BOD1L1: variants seen among roughly 807,000 people sequenced by gnomAD.
The protein encoded by BOD1L1 is biorientation of chromosomes in cell division protein 1-like 1.
Under a neutral mutation model 240.7 loss-of-function variants are expected in BOD1L1, and 86 were observed. The ratio of observed to expected loss-of-function variants is 0.36; its 90% CI spans 0.30 to 0.43. The LOEUF (loss-of-function observed/expected upper bound fraction) is 0.43. BOD1L1 is among the 20% of genes least tolerant of loss of function. BOD1L1 has a pLI of 1.00. For missense variants in BOD1L1, 3,554 were observed against 3,643.5 expected (o/e 0.98, Z 0.63); for synonymous variants, 1,268 against 1,272.3 (o/e 1.00, Z 0.07).
rs1042752678 is a variant in BOD1L1 at position 13,578,455 on chromosome 4, T to TGGGTG, written c.8750-825_8750-824insCACCC. ...TGAATTTTGATTAGGAATGCTCAAC[T>TGGGTG]GGGAAATGCAAATATTCCAAAATCT... On this transcript the variant is annotated intron_variant, in intron 22 of 25. Transcript: ENST00000040738. 5.1e-4 allele frequency among the ~76,000 whole-genome samples: 77 copies of TGGGTG among 152,338 alleles called. No individual in the cohort carries two copies. In the Middle Eastern group the frequency reaches 0.01, roughly 20 times the overall value.
At chr4:13,590,330 C>T in intron 14 of BOD1L1, 56 bp downstream of exon 14, 1 of 950,954 alleles carries the variant, frequency 1.1e-6, no homozygotes, top group Non-Finnish European at 1.6e-6. Flanking sequence ...ACAGACCACA[C>T]TCAATAAATG....
chr4:13,592,221 A>G, intron 12 of BOD1L1: 2 of 426,006 alleles, frequency 4.7e-6, no homozygotes, highest in South Asian at 3.8e-5. Flanking sequence ...GTGGTATATT[A>G]CATCACTATG....
chr4:13,571,166 T>G (rs1305750127), intron 25 of BOD1L1, among the ~76,000 whole-genome samples: 1 of 152,172 alleles, frequency 6.6e-6, no homozygotes, highest in Non-Finnish European at 1.5e-5. Flanking sequence ...ATCTCCCCCA[T>G]TAGACACGAT....
Position 13,577,489 on chromosome 4 carries a change from T to TA in BOD1L1, c.8800-3dup, listed in dbSNP as rs755811723. 1.8e-5 allele frequency: 29 copies of TA among 1,613,068 alleles called. No individual in the cohort carries two copies. Among genetic ancestry groups the TA allele is most frequent in the Non-Finnish European group, 2.5e-5 (29 of 1,179,476 alleles). On this transcript the variant is annotated splice_polypyrimidine_tract_variant and splice_region_variant and intron_variant, in intron 23 of 25. Coordinates refer to ENST00000040738, the MANE Select transcript of BOD1L1 (RefSeq NM_148894.3). ...TACTATTTTTTCTTCACCATCATCC[T>TA]AGAAGCAATAAAATTAAAGTCAAAA...
In BOD1L1 at chr4:13,614,690, G is replaced by A. The variant is rs147855039; in HGVS notation, c.680C>T (p.Ala227Val). 6.2e-7 allele frequency: 1 copy of A among 1,613,750 alleles called. No homozygotes were observed. Among genetic ancestry groups the A allele is most frequent in the African/African-American group, 1.3e-5 (1 of 74,896 alleles). Residue 227 changes from alanine (A) to valine (V), a missense_variant, in exon 4 of 26, where the codon GCC becomes GTC. Physicochemically the swap from Ala to Val is moderately conservative, Grantham distance 64 (BLOSUM62 0). Coordinates refer to ENST00000040738, the MANE Select transcript of BOD1L1 (RefSeq NM_148894.3). ...AARASTETSN[A>V]KTSERASKKL... ...TTTTGACGCTCTCTCACTGGTCTTG[G>A]CATTTGATGTTTCTGTTGAAGCCCT...
In BOD1L1 at chr4:13,600,374, C is replaced by T; in HGVS notation, c.6526G>A (p.Glu2176Lys). 6.2e-7 allele frequency: 1 copy of T among 1,614,000 alleles called. No individual in the cohort carries two copies. Among genetic ancestry groups the T allele is most frequent in the Non-Finnish European group, 8.5e-7 (1 of 1,179,896 alleles). ...AAGACTGGACCTGTAGCCCTTTCTTCCACTGCTGCAGCAACCGGCTGAAGA... is the reference window on the plus strand; with the variant it reads ...AAGACTGGACCTGTAGCCCTTTCTTTCACTGCTGCAGCAACCGGCTGAAGA... The part of the protein sequence containing the change: ...ESLQPVAAAV[E>K]ERATGPVLIS... Residue 2176 changes from glutamate (E) to lysine (K), a missense_variant, in exon 10 of 26, where the codon GAA (glutamate) becomes AAA (lysine). Transcript: ENST00000040738.
At chr4:13,582,803 A>C in intron 17 of BOD1L1, 67 bp from the exon 18 acceptor site, 1 of 1,085,612 alleles carries the variant, frequency 9.2e-7, no homozygotes, top group South Asian at 1.4e-5. Flanking sequence ...CATCCTCCCC[A>C]CACAAGTTTG....
At chr4:13,595,521 A>C (rs770512906) in intron 12 of BOD1L1, among the ~76,000 whole-genome samples, 5 of 152,192 alleles carry the variant, frequency 3.3e-5, no homozygotes, top group Non-Finnish European at 5.9e-5. Flanking sequence ...AGCCTTTTGG[A>C]AGTAAGCTGC....
chr4:13,597,712 C>G (rs1480204396), intron 10 of BOD1L1, among the ~76,000 whole-genome samples: 3 of 152,098 alleles, frequency 2.0e-5, no homozygotes, highest in Non-Finnish European at 1.5e-5. Context: ...CTGTGGAAAC[C>G]CTTCTATTTT....
chr4:13,595,528 C>G (rs1002298776), intron 12 of BOD1L1, among the ~76,000 whole-genome samples: 1 of 152,206 alleles, frequency 6.6e-6, no homozygotes, highest in Non-Finnish European at 1.5e-5. Flanking sequence ...TGGAAGTAAG[C>G]TGCAATAGCA....
In BOD1L1 at chr4:13,600,209, C is replaced by T; in HGVS notation, c.6691G>A (p.Val2231Ile). ...TCACTTTCAACAACTACACCGGAAACAGAAGCCTCACATTCTTCTGCTATG... is the reference window on the plus strand; with the variant it reads ...TCACTTTCAACAACTACACCGGAAATAGAAGCCTCACATTCTTCTGCTATG... ...TSIAEECEAS[V>I]SGVVVESENE... Residue 2231 changes from valine (V) to isoleucine (I), a missense_variant, in exon 10 of 26, where the codon GTT (valine) becomes ATT (isoleucine). By Grantham distance (29) the Val-to-Ile change is conservative. Transcript: ENST00000040738. 6.2e-7 allele frequency: 1 copy of T among 1,613,998 alleles called. No homozygotes were observed. The highest frequency in any genetic ancestry group is 8.5e-7 in the Non-Finnish European group (1 of 1,179,894).
Position 13,615,341 on chromosome 4 carries a change from T to C in BOD1L1, c.530A>G (p.Glu177Gly). The C allele has an allele frequency of 6.2e-7, 1 of 1,612,816 alleles. No individual in the cohort carries two copies. Among genetic ancestry groups the C allele is most frequent in the South Asian group, 1.1e-5 (1 of 90,906 alleles). The change falls in exon 3 of 26, where the codon GAG becomes GGG. Residue 177 changes from glutamate to glycine, a missense_variant. Transcript: ENST00000040738. ...EGSGNTAPDD[E>G]KPDTSLITQG... Reference sequence around the variant, plus strand: ...TGTAATAAGGGAAGTGTCTGGTTTCTCATCATCGGGAGCTGTGTTGCCACT... The same window carrying C: ...TGTAATAAGGGAAGTGTCTGGTTTCCCATCATCGGGAGCTGTGTTGCCACT...
chr4:13,604,430 T>G lies in BOD1L1; in HGVS notation c.2470A>C (p.Asn824His). 1 of 1,572,222 alleles carries G rather than the reference T, an allele frequency of 6.4e-7. No individual in the cohort carries two copies. Among genetic ancestry groups the G allele is most frequent in the Non-Finnish European group, 8.6e-7 (1 of 1,168,392 alleles). The change falls in exon 10 of 26, where the codon AAC (asparagine) becomes CAC (histidine). Residue 824 changes from asparagine (N) to histidine (H), a missense_variant. Asn to His is a moderately conservative substitution (Grantham distance 68). Coordinates refer to ENST00000040738, the MANE Select transcript of BOD1L1 (RefSeq NM_148894.3). ...GACAAGCGTCTCTCTTTTTTGTTGT[T>G]TTCTTTACGAACATTCTCATCTGTT... is the stretch of plus-strand genomic sequence containing the variant. Reference protein sequence around the residue: ...IKTDENVRKENNKKERRLSAE... With the variant: ...IKTDENVRKEHNKKERRLSAE...
chr4:13,593,577 G>A (rs1714388808), intron 12 of BOD1L1: 1 of 152,104 alleles, frequency 6.6e-6, no homozygotes, highest in African/African-American at 2.4e-5. Context: ...GGTGGGGGAA[G>A]AGATTGATTG....
chr4:13,625,482 C>T lies in BOD1L1; in HGVS notation c.243+1863G>A, dbSNP rs73112039. On this transcript the variant is annotated intron_variant, in intron 1 of 25. Coordinates refer to ENST00000040738, the MANE Select transcript of BOD1L1 (RefSeq NM_148894.3). Reference sequence around the variant, plus strand: ...CTGGCAGGGATATTATAGACACATACCAATAACATTTTGTGGGAATAGGAT... The same window carrying T: ...CTGGCAGGGATATTATAGACACATATCAATAACATTTTGTGGGAATAGGAT... 616 of 152,268 alleles carry T rather than the reference C, an allele frequency of 4.0e-3. 6 individuals are homozygous for T. Among genetic ancestry groups the T allele is most frequent in the African/African-American group, 0.014 (596 of 41,550 alleles). The allele number at this position is 152,268 out of a possible 1,614,324, so 9.4% of individuals were successfully genotyped here.
intron 12 of BOD1L1, among the ~76,000 whole-genome samples, chr4:13,594,657 G>A (rs1202646703): frequency 6.6e-6 from 1 of 152,180 alleles, no homozygotes; most frequent in Non-Finnish European, 1.5e-5. Context: ...AGCACTTTGG[G>A]AGGCCAAGGC....
chr4:13,594,766 G>A (rs1357672599), intron 12 of BOD1L1, among the ~76,000 whole-genome samples: 8 of 152,066 alleles, frequency 5.3e-5, no homozygotes, highest in Non-Finnish European at 1.0e-4. Context: ...ATGGTGGTGT[G>A]TGCCTGTAAT....
rs760254287 is a variant in BOD1L1 at position 13,591,885 on chromosome 4, C to T, written c.8148+38G>A. The T allele has an allele frequency of 2.0e-5, 29 of 1,480,650 alleles. No homozygotes were observed. The South Asian group carries it at 3.8e-4, about 19-fold the overall frequency. The allele number at this position is 1,480,650 out of a possible 1,614,324, so 91.7% of individuals were successfully genotyped here. A position where few individuals can be genotyped will look rare whatever the true frequency, so the allele number is the denominator to read the frequency against. Reference sequence around the variant, plus strand: ...TCCAAAAAAATAAAATTAAAAAACCCAATAACCACAAAAATCAAAACCATT... The same window carrying T: ...TCCAAAAAAATAAAATTAAAAAACCTAATAACCACAAAAATCAAAACCATT... On this transcript the variant is annotated intron_variant, in intron 13 of 25. Transcript: ENST00000040738.
chr4:13,579,778 A>G lies in BOD1L1; in HGVS notation c.8749+150T>C, dbSNP rs1713074566. On this transcript the variant is annotated intron_variant, in intron 22 of 25. Transcript: ENST00000040738. Reference sequence around the variant, plus strand: ...CTGGGCTCTGTAAGCCAATAGATACAGTCTCTCCCAGATACAAGGACAATT... The same window carrying G: ...CTGGGCTCTGTAAGCCAATAGATACGGTCTCTCCCAGATACAAGGACAATT... 4 of 585,376 alleles carry G rather than the reference A, an allele frequency of 6.8e-6. No individual in the cohort carries two copies. In the South Asian group the frequency reaches 9.9e-5, roughly 15 times the overall value. 36.3% of individuals were successfully genotyped at this position (585,376 alleles called of 1,614,324 possible). A position where few individuals can be genotyped will look rare whatever the true frequency, so the allele number is the denominator to read the frequency against.
Sources: gnomAD v4.1 joint callset for allele counts (sites outside exome capture counted in the v4.1 genomes callset) on GRCh38, gnomAD v4.1.1 for gene constraint, MANE v1.5 for transcripts, NCBI Gene and HGNC (gene_info 2026-07-23, HGNC 2026-07-21) for gene names.